Variants in SNX7 observed in about 807,000 individuals in gnomAD.
The protein encoded by SNX7 is sorting nexin-7.
SNX7 carries 35 observed loss-of-function variants against 48.4 expected under a neutral mutation model. That is an observed-to-expected ratio of 0.72 (90% CI 0.55 to 0.96). The LOEUF (loss-of-function observed/expected upper bound fraction) is 0.96, where lower values mean the gene tolerates loss of function less well. Among genes scored for constraint, SNX7 ranks in the 40% least tolerant of loss-of-function variants. The probability of loss-of-function intolerance (pLI) is 0.00; values close to 1 mark genes in which losing one functional copy is unlikely to be tolerated. For synonymous variants in SNX7, 190 were observed against 190.2 expected (o/e 1.00, Z 0.01); for missense variants, 553 against 548.9 (o/e 1.01, Z -0.07).
intron 8 of SNX7, among the ~76,000 whole-genome samples, chr1:98,758,637 C>G (rs1010095849): frequency 5.5e-4 from 83 of 152,068 alleles, no homozygotes; most frequent in Non-Finnish European, 1.3e-4. Flanking sequence ...TCTAATGAGG[C>G]CTACATTACC....
At chr1:98,721,319 C>T (rs375047683) in intron 7 of SNX7, among the ~76,000 whole-genome samples, 2 of 152,070 alleles carry the variant, frequency 1.3e-5, no homozygotes, top group Non-Finnish European at 2.9e-5. Context: ...GTACTATACT[C>T]ATGTTTTACT....
chr1:98,695,175 T>A (rs1038445145), intron 4 of SNX7, among the ~76,000 whole-genome samples: 1 of 152,202 alleles, frequency 6.6e-6, no homozygotes, highest in Non-Finnish European at 1.5e-5. Flanking sequence ...AAATTCCTAT[T>A]ATAAAATATA....
chr1:98,670,629 G>T (rs907999012), intron 1 of SNX7, among the ~76,000 whole-genome samples: 5 of 152,150 alleles, frequency 3.3e-5, no homozygotes, highest in Admixed American at 6.5e-5. Flanking sequence ...GGATCAATAG[G>T]CTATACCATC....
intron 8 of SNX7, among the ~76,000 whole-genome samples, chr1:98,747,941 G>A (rs11166100): frequency 0.71 from 106,257 of 149,602 alleles, 39,157 homozygotes; most frequent in South Asian, 0.82. Flanking sequence ...ATTATGTGTC[G>A]TATAAGTCTT....
chr1:98,675,954 C>CT (rs1356523391), intron 1 of SNX7, among the ~76,000 whole-genome samples: 6 of 152,054 alleles, frequency 3.9e-5, no homozygotes, highest in Non-Finnish European at 7.4e-5. Flanking sequence ...AATGTTGACT[C>CT]TAACAATTTT....
chr1:98,677,629 C>T (rs1430656603), intron 1 of SNX7, among the ~76,000 whole-genome samples: 1 of 152,080 alleles, frequency 6.6e-6, no homozygotes, highest in African/African-American at 2.4e-5. Flanking sequence ...CCTGTAATCC[C>T]AGCACTTTGG....
chr1:98,686,872 A>G (rs865783995), intron 2 of SNX7, among the ~76,000 whole-genome samples: 33 of 152,166 alleles, frequency 2.2e-4, no homozygotes, highest in Middle Eastern at 6.3e-3. Flanking sequence ...CTAGCAAATA[A>G]TTTGTGAAAC....
At chr1:98,706,650 C>T (rs923791893) in intron 7 of SNX7, among the ~76,000 whole-genome samples, 9 of 152,062 alleles carry the variant, frequency 5.9e-5, no homozygotes, top group Admixed American at 2.0e-4. Context: ...AAGCCAGAGC[C>T]GGAGAGTAGC....
chr1:98,685,130 A>C, intron 2 of SNX7, 63 bp downstream of exon 2: 1 of 1,014,972 alleles, frequency 9.9e-7, no homozygotes, highest in East Asian at 2.7e-5. Context: ...GGAAGTAAGT[A>C]CCTCTTGTTC....
chr1:98,675,340 G>C (rs138377660), intron 1 of SNX7, among the ~76,000 whole-genome samples: 6 of 152,014 alleles, frequency 3.9e-5, no homozygotes, highest in African/African-American at 1.4e-4. Flanking sequence ...TTTTATTGAG[G>C]TTTTAAGAAT....
intron 7 of SNX7, among the ~76,000 whole-genome samples, chr1:98,708,978 T>C (rs1456230626): frequency 1.3e-5 from 2 of 152,170 alleles, no homozygotes; most frequent in Non-Finnish European, 2.9e-5. Context: ...AAGTATTTAA[T>C]ATAAGGTCTT....
At chr1:98,661,713 C>T (rs1408138879), upstream of SNX7, 14 of 1,212,770 alleles carry the variant, frequency 1.2e-5, no homozygotes, top group African/African-American at 4.7e-5. Context: ...TGGCGGCCGG[C>T]TGGGCGCGCA....
intron 8 of SNX7, among the ~76,000 whole-genome samples, chr1:98,751,833 A>G (rs1027027155): frequency 3.9e-5 from 6 of 152,130 alleles, no homozygotes; most frequent in African/African-American, 1.4e-4. Flanking sequence ...AACAGTATGT[A>G]TGGAAAATGA....
intron 7 of SNX7, among the ~76,000 whole-genome samples, chr1:98,705,204 C>G (rs1336150726): frequency 1.3e-5 from 2 of 152,136 alleles, no homozygotes; most frequent in African/African-American, 4.8e-5. Flanking sequence ...TAGTTCTTAT[C>G]TCACAGCAAT....
At chr1:98,720,151 A>G (rs1652789684) in intron 7 of SNX7, among the ~76,000 whole-genome samples, 1 of 151,804 alleles carries the variant, frequency 6.6e-6, no homozygotes, top group Non-Finnish European at 1.5e-5. Context: ...TGTTTGATAA[A>G]TGGCAGGACT....
intron 7 of SNX7, among the ~76,000 whole-genome samples, chr1:98,724,068 GT>G (rs1296312025): frequency 6.6e-6 from 1 of 151,902 alleles, no homozygotes; most frequent in East Asian, 1.9e-4. Context: ...GTTTGCTATA[GT>G]TTTTTATCCT....
chr1:98,752,466 C>G (rs946017560), intron 8 of SNX7, among the ~76,000 whole-genome samples: 3 of 151,882 alleles, frequency 2.0e-5, no homozygotes, highest in African/African-American at 7.3e-5. Context: ...TCAGGAGCTG[C>G]ATAGTTCAAG....
chr1:98,740,425 CTTAAA>C (rs749937965), intron 8 of SNX7, among the ~76,000 whole-genome samples: 18 of 151,964 alleles, frequency 1.2e-4, no homozygotes, highest in East Asian at 5.8e-4. Flanking sequence ...AAGAAAATGC[CTTAAA>C]TTAAAGCATG....
intron 8 of SNX7, among the ~76,000 whole-genome samples, chr1:98,745,865 A>G (rs779132615): frequency 2.4e-4 from 36 of 152,238 alleles, no homozygotes; most frequent in Non-Finnish European, 4.4e-4. Flanking sequence ...CATCTTTTTA[A>G]TGCCATTAAA....
Sources: allele counts gnomAD v4.1 joint callset (sites outside exome capture counted in the v4.1 genomes callset), GRCh38; gene constraint gnomAD v4.1.1; transcripts MANE v1.5; gene names NCBI Gene and HGNC (gene_info 2026-07-23, HGNC 2026-07-21).